Variants in DROSHA observed in about 807,000 individuals in gnomAD.
DROSHA encodes drosha ribonuclease III.
DROSHA carries 56 observed loss-of-function variants against 181.9 expected under a neutral mutation model. That is an observed-to-expected ratio of 0.31 (90% CI 0.25 to 0.38). The LOEUF (loss-of-function observed/expected upper bound fraction) is 0.38, where lower values mean the gene tolerates loss of function less well. Among genes scored for constraint, DROSHA ranks in the 10% least tolerant of loss-of-function variants. DROSHA has a pLI of 1.00. For missense variants in DROSHA, 1,218 were observed against 1,743.5 expected (o/e 0.70, Z 5.37); for synonymous variants, 524 against 591.2 (o/e 0.89, Z 1.65).
rs928116248 is a variant in DROSHA, at chr5:31,423,781, A to C, written c.3261+646T>G. Among the ~76,000 whole-genome samples, 16 of 36,158 alleles carry C rather than the reference A, an allele frequency of 4.4e-4. No homozygotes were observed. The East Asian group carries it at 0.029, about 65-fold the overall frequency. 23.7% of individuals were successfully genotyped at this position (36,158 alleles called of 152,430 possible). On this transcript the variant is annotated intron_variant, in intron 28 of 35. Coordinates refer to ENST00000344624, the MANE Select transcript of DROSHA (RefSeq NM_001382508.1). ...AAATAAGTATATGAGGATACATATG[A>C]TGTTTACATATATGCATATATCCCA...
At chr5:31,442,746 A>G (rs1486524079) in intron 23 of DROSHA, among the ~76,000 whole-genome samples, 2 of 151,968 alleles carry the variant, frequency 1.3e-5, no homozygotes, top group African/African-American at 4.8e-5. Flanking sequence ...GAGTAGGGCT[A>G]GAGGGTGCCT....
At chr5:31,448,476 C>A in intron 23 of DROSHA, 71 bp downstream of exon 23, 1 of 1,373,552 alleles carries the variant, frequency 7.3e-7, no homozygotes, top group Admixed American at 1.8e-5. Context: ...GAATTGTATG[C>A]TTTAAATGAG....
At chr5:31,405,018 A>C (rs1740473823) in intron 35 of DROSHA, among the ~76,000 whole-genome samples, 1 of 152,236 alleles carries the variant, frequency 6.6e-6, no homozygotes, top group African/African-American at 2.4e-5. Context: ...AAAACAGAAA[A>C]CCTTCACACG....
chr5:31,406,138 G>A (rs1356746788), intron 34 of DROSHA, among the ~76,000 whole-genome samples: 1 of 152,096 alleles, frequency 6.6e-6, no homozygotes, highest in Non-Finnish European at 1.5e-5. Flanking sequence ...TCAAAGAAAG[G>A]TGATAATATA....
intron 27 of DROSHA, among the ~76,000 whole-genome samples, chr5:31,425,145 C>T (rs972553321): frequency 6.6e-6 from 1 of 151,800 alleles, no homozygotes; most frequent in African/African-American, 2.4e-5. Flanking sequence ...ATTTACTTCC[C>T]GACCTTGATA....
At chr5:31,418,083 C>T (rs1458796794) in intron 30 of DROSHA, among the ~76,000 whole-genome samples, 1 of 152,168 alleles carries the variant, frequency 6.6e-6, no homozygotes, top group East Asian at 1.9e-4. Context: ...CAGCCCACTC[C>T]TCTCACGGGA....
At chr5:31,483,513 T>C in intron 16 of DROSHA, 41 bp downstream of exon 16, 1 of 1,591,242 alleles carries the variant, frequency 6.3e-7, no homozygotes. Flanking sequence ...TATTTTCAGA[T>C]GCACTATCTC....
intron 11 of DROSHA, among the ~76,000 whole-genome samples, chr5:31,504,237 C>T (rs1481277496): frequency 5.3e-5 from 8 of 152,092 alleles, no homozygotes; most frequent in Non-Finnish European, 8.8e-5. Context: ...CAGGGCCATT[C>T]ATAGCCACTT....
intron 33 of DROSHA, among the ~76,000 whole-genome samples, chr5:31,407,478 T>C (rs1335727663): frequency 1.3e-5 from 2 of 152,204 alleles, no homozygotes; most frequent in African/African-American, 4.8e-5. Flanking sequence ...AGGTACGCTA[T>C]AATGCCAAGT....
rs376216811 is a variant in DROSHA at position 31,401,457 on chromosome 5, T to C, written c.4100A>G (p.Asp1367Gly). ...WEREHQEREPDETEDIKK is the reference protein window; with the variant it reads ...WEREHQEREPGETEDIKK ...TTATTTCTTGATGTCTTCAGTCTCA[T>C]CTGGCTCTCTCTCTTGATGCTCTCT... Residue 1367 changes from aspartate to glycine, a missense_variant, in exon 36 of 36, where the codon GAT becomes GGT. Asp to Gly is a moderately conservative substitution (Grantham distance 94, BLOSUM62 -1). Around this residue, in one of 8 missense-constraint regions of DROSHA, gnomAD observed 32 missense variants for 29.2 expected, o/e 1.09. Transcript: ENST00000344624. 1.9e-6 allele frequency: 3 copies of C among 1,613,166 alleles called. No homozygotes were observed. Among genetic ancestry groups the C allele is most frequent in the African/African-American group, 1.3e-5 (1 of 74,914 alleles).
chr5:31,453,468 C>T (rs188508859), intron 20 of DROSHA, among the ~76,000 whole-genome samples: 5 of 152,276 alleles, frequency 3.3e-5, no homozygotes, highest in African/African-American at 1.2e-4. Context: ...TCCCAAAGTG[C>T]TAAGATTACA....
intron 12 of DROSHA, among the ~76,000 whole-genome samples, chr5:31,493,794 A>C (rs976771855): frequency 6.6e-6 from 1 of 152,196 alleles, no homozygotes; most frequent in Non-Finnish European, 1.5e-5. Context: ...CAAGAAGTCA[A>C]CCAACCAAAC....
intron 20 of DROSHA, among the ~76,000 whole-genome samples, chr5:31,459,712 A>G (rs1019573024): frequency 1.3e-5 from 2 of 152,200 alleles, no homozygotes; most frequent in Non-Finnish European, 2.9e-5. Context: ...TCATTGAGCA[A>G]GAGAATCAGA....
At chr5:31,445,891 T>C (rs547386330) in intron 23 of DROSHA, among the ~76,000 whole-genome samples, 7 of 152,328 alleles carry the variant, frequency 4.6e-5, no homozygotes, top group African/African-American at 1.7e-4. Flanking sequence ...CTCTCAATAC[T>C]TCTATTCAGT....
At chr5:31,458,581 C>G (rs1009059915) in intron 20 of DROSHA, among the ~76,000 whole-genome samples, 1 of 152,126 alleles carries the variant, frequency 6.6e-6, no homozygotes, top group Non-Finnish European at 1.5e-5. Flanking sequence ...GAGTCCTCAC[C>G]ACCAGCTATG....
At chr5:31,449,233 A>G in intron 22 of DROSHA, 48 bp downstream of exon 22, 2 of 1,605,728 alleles carry the variant, frequency 1.2e-6, no homozygotes, top group Non-Finnish European at 1.7e-6. Flanking sequence ...ACAACAGAAA[A>G]CACAGGCCAA....
At position 31,431,682 on chromosome 5, in the gene DROSHA, C is replaced by T. The variant is rs765457795; in HGVS notation, c.3043-4G>A. ...TAAATCGATCCAGTTCAAGTTTCTACAAAATTCACAATGACAAAACGTAAG... is the reference window on the plus strand; with the variant it reads ...TAAATCGATCCAGTTCAAGTTTCTATAAAATTCACAATGACAAAACGTAAG... On this transcript the variant is annotated splice_region_variant and splice_polypyrimidine_tract_variant and intron_variant, in intron 25 of 35. Coordinates refer to ENST00000344624, the MANE Select transcript of DROSHA (RefSeq NM_001382508.1). The T allele has an allele frequency of 1.9e-6, 3 of 1,613,628 alleles. No individual in the cohort carries two copies. Among genetic ancestry groups the T allele is most frequent in the East Asian group, 2.2e-5 (1 of 44,866 alleles).
Position 31,493,313 on chromosome 5 carries a change from C to A in DROSHA, c.1756-20G>T. The A allele has an allele frequency of 6.4e-7, 1 of 1,573,822 alleles. No homozygotes were observed. Among genetic ancestry groups the A allele is most frequent in the East Asian group, 2.3e-5 (1 of 43,730 alleles). On this transcript the variant is annotated intron_variant, in intron 12 of 35. Coordinates refer to ENST00000344624, the MANE Select transcript of DROSHA (RefSeq NM_001382508.1). ...GTCAGTCTAAAAGCAAACAGAAACA[C>A]GAACCCCAAATTAAATAAATGACAT... is the stretch of plus-strand genomic sequence containing the variant.
rs76753896 is a variant in DROSHA at position 31,442,610 on chromosome 5, T to C, written c.2883-5312A>G. Among the ~76,000 whole-genome samples, 1,123 of 152,260 alleles carry C rather than the reference T, an allele frequency of 7.4e-3. 17 individuals carry two copies. The highest frequency in any genetic ancestry group is 0.024 in the African/African-American group (1,001 of 41,538). Reference sequence around the variant, plus strand: ...ACTTTATAAAACACAACCGTCTCCCTGTAACAGTAAGTACTGTAAGGTGCC... The same window carrying C: ...ACTTTATAAAACACAACCGTCTCCCCGTAACAGTAAGTACTGTAAGGTGCC... On this transcript the variant is annotated intron_variant, in intron 23 of 35. Coordinates refer to ENST00000344624, the MANE Select transcript of DROSHA (RefSeq NM_001382508.1).
Sources: gnomAD v4.1 joint callset for allele counts (sites outside exome capture counted in the v4.1 genomes callset) on GRCh38, gnomAD v4.1.1 for gene constraint, gnomAD v4.1.1 regional missense constraint, MANE v1.5 for transcripts, NCBI Gene and HGNC (gene_info 2026-07-23, HGNC 2026-07-21) for gene names.